The following COPG2 variants were observed in gnomAD, a reference collection of about 807,000 sequenced individuals.
The protein encoded by COPG2 is coatomer subunit gamma-2.
COPG2 carries 37 observed loss-of-function variants against 46.3 expected under a neutral mutation model. That is an observed-to-expected ratio of 0.80 (90% CI 0.61 to 1.05). The LOEUF (loss-of-function observed/expected upper bound fraction) is 1.05. COPG2 is among the 50% of genes least tolerant of loss of function. The pLI is 0.00. For missense variants in COPG2, 427 were observed against 387.8 expected, an observed-to-expected ratio of 1.10 and a Z score of -0.85; for synonymous variants, 159 against 129.7, an observed-to-expected ratio of 1.23 and a Z score of -1.53.
intron 4 of COPG2, among the ~76,000 whole-genome samples, chr7:130,657,680 CAAT>C (rs1322537238): frequency 1.3e-5 from 2 of 151,918 alleles, no homozygotes; most frequent in Admixed American, 6.6e-5. Context: ...TCTTAAAACT[CAAT>C]AATAAGAAAA....
chr7:130,525,267 G>T (rs1799762762), intron 20 of COPG2, among the ~76,000 whole-genome samples: 1 of 152,150 alleles, frequency 6.6e-6, no homozygotes, highest in African/African-American at 2.4e-5. Context: ...GGAATGCAGA[G>T]TTCTCAAACT....
At chr7:130,651,422 T>C (rs1430495890) in intron 5 of COPG2, among the ~76,000 whole-genome samples, 1 of 150,816 alleles carries the variant, frequency 6.6e-6, no homozygotes, top group African/African-American at 2.4e-5. Flanking sequence ...GCTCCAGCGA[T>C]TCTCCCGCCT....
intron 9 of COPG2, among the ~76,000 whole-genome samples, chr7:130,588,791 TATA>T (rs1187183346): frequency 2.6e-5 from 4 of 150,992 alleles, no homozygotes; most frequent in Admixed American, 2.0e-4. Context: ...AAACTTAAAG[TATA>T]ATAATAAAAA....
chr7:130,620,456 G>A (rs1795019780), intron 5 of COPG2, among the ~76,000 whole-genome samples: 1 of 152,152 alleles, frequency 6.6e-6, no homozygotes, highest in African/African-American at 2.4e-5. Context: ...GTGGAGCTGG[G>A]TGCCACAGGG....
At chr7:130,540,712 T>C (rs984095176) in intron 20 of COPG2, among the ~76,000 whole-genome samples, 2 of 151,988 alleles carry the variant, frequency 1.3e-5, no homozygotes, top group Non-Finnish European at 1.5e-5. Flanking sequence ...ATGCCACCTA[T>C]GGCAAGCACT....
intron 9 of COPG2, among the ~76,000 whole-genome samples, chr7:130,593,986 G>T (rs544119443): frequency 6.6e-6 from 1 of 151,768 alleles, no homozygotes; most frequent in South Asian, 2.1e-4. Context: ...ACCAAGAAAG[G>T]GAAGAGACAA....
chr7:130,595,670 G>A (rs150347393), intron 9 of COPG2, among the ~76,000 whole-genome samples: 128 of 152,302 alleles, frequency 8.4e-4, no homozygotes, highest in African/African-American at 2.8e-3. Context: ...ACACTCCCTT[G>A]AGTGTGCACT....
intron 20 of COPG2, among the ~76,000 whole-genome samples, chr7:130,527,900 C>G (rs979258251): frequency 8.5e-5 from 13 of 152,202 alleles, no homozygotes; most frequent in African/African-American, 1.4e-4. Flanking sequence ...GTCCCAGACT[C>G]AAGGACTCAG....
At chr7:130,512,158 C>T (rs1799606910) in intron 20 of COPG2, among the ~76,000 whole-genome samples, 1 of 151,046 alleles carries the variant, frequency 6.6e-6, no homozygotes, top group African/African-American at 2.4e-5. Flanking sequence ...CACTTGAACC[C>T]AGGAGGCAGA....
At chr7:130,529,826 C>A (rs1799806501) in intron 20 of COPG2, among the ~76,000 whole-genome samples, 1 of 152,156 alleles carries the variant, frequency 6.6e-6, no homozygotes, top group South Asian at 2.1e-4. Flanking sequence ...GCTGTTAGGA[C>A]ATAATGCGAT....
At chr7:130,643,623 G>A (rs188069496) in intron 5 of COPG2, among the ~76,000 whole-genome samples, 1 of 152,140 alleles carries the variant, frequency 6.6e-6, no homozygotes, top group South Asian at 2.1e-4. Context: ...AAGGACTGCA[G>A]ATAAAAGAAG....
At chr7:130,538,208 GA>G (rs1468391849) in intron 20 of COPG2, among the ~76,000 whole-genome samples, 1 of 152,158 alleles carries the variant, frequency 6.6e-6, no homozygotes, top group Non-Finnish European at 1.5e-5. Context: ...TCTGGAAGAT[GA>G]AAGTGGGAGG....
chr7:130,612,876 A>G (rs541096155), intron 7 of COPG2, among the ~76,000 whole-genome samples: 148 of 152,320 alleles, frequency 9.7e-4, no homozygotes, highest in African/African-American at 3.2e-3. Flanking sequence ...GACAAGTAGT[A>G]GAAGTCATAA....
chr7:130,649,873 C>T (rs1287996708), intron 5 of COPG2, among the ~76,000 whole-genome samples: 2 of 152,158 alleles, frequency 1.3e-5, no homozygotes, highest in Admixed American at 1.3e-4. Context: ...CTGCATTAGT[C>T]TTCTATTGCT....
At chr7:130,664,204 T>C (rs2116269828) in intron 3 of COPG2, among the ~76,000 whole-genome samples, 1 of 152,332 alleles carries the variant, frequency 6.6e-6, no homozygotes, top group South Asian at 2.1e-4. Flanking sequence ...CAATCTTATA[T>C]AATACGTTAC....
At chr7:130,590,910 G>A (rs1182116748) in intron 9 of COPG2, among the ~76,000 whole-genome samples, 8 of 149,140 alleles carry the variant, frequency 5.4e-5, no homozygotes, top group South Asian at 2.1e-4. Flanking sequence ...CAACCGCCCC[G>A]TCTGAGAAGT....
At chr7:130,646,985 A>G (rs1391345530) in intron 5 of COPG2, among the ~76,000 whole-genome samples, 7 of 772 alleles carry the variant, frequency 9.1e-3, no homozygotes, top group African/African-American at 0.022. Flanking sequence ...ATATATATGT[A>G]TATATATATA....
chr7:130,518,595 A>G (rs1799698623), intron 20 of COPG2, among the ~76,000 whole-genome samples: 1 of 152,246 alleles, frequency 6.6e-6, no homozygotes, highest in African/African-American at 2.4e-5. Context: ...TATATATGAC[A>G]GTGCAAATAA....
At chr7:130,535,610 T>C (rs921761707) in intron 20 of COPG2, among the ~76,000 whole-genome samples, 6 of 142,440 alleles carry the variant, frequency 4.2e-5, no homozygotes, top group African/African-American at 1.6e-4. Flanking sequence ...CCAGGCTCTT[T>C]ACTACGGATC....
Sources: gnomAD v4.1 joint callset for allele counts (sites outside exome capture counted in the v4.1 genomes callset) on GRCh38, gnomAD v4.1.1 for gene constraint, MANE v1.5 for transcripts, NCBI Gene and HGNC (gene_info 2026-07-23, HGNC 2026-07-21) for gene names.